The following KIF26A variants were observed in gnomAD, a reference collection of about 807,000 sequenced individuals.
The protein encoded by KIF26A is kinesin family member 26A, also known as kinesin-like protein KIF26A.
Under a neutral mutation model 126.0 loss-of-function variants are expected in KIF26A, and 74 were observed. The ratio of observed to expected loss-of-function variants is 0.59; its 90% CI spans 0.49 to 0.71. KIF26A has a LOEUF of 0.71. Ranked by LOEUF, KIF26A falls within the 30% of genes least tolerant of loss-of-function variation. The pLI, the probability that KIF26A is intolerant of heterozygous loss-of-function variation, is 0.00. For missense variants in KIF26A, 2,984 were observed against 2,763.3 expected (o/e 1.08, Z -1.79); for synonymous variants, 1,445 against 1,232.7 (o/e 1.17, Z -3.61).
Position 104,178,639 on chromosome 14 carries a change from C to T in KIF26A, c.5200C>T (p.Leu1734=), listed in dbSNP as rs2038063848. The stretch of plus-strand genomic sequence containing the variant: ...CAGCCTCCCCGGGCAGTGGGTGGAC[C>T]TGCCCCCGCCCCTGGCTGGCTCCCT... ...KPSLPGQWVD[L]PPPLAGSLKE... is the part of the protein sequence containing the mutation. The change falls in exon 13 of 15, where the codon CTG becomes TTG. Residue 1734 remains leucine, a synonymous_variant. Transcript: ENST00000423312. The T allele has an allele frequency of 6.4e-7, 1 of 1,550,980 alleles. No homozygotes were observed. The highest frequency in any genetic ancestry group is 1.4e-5 in the African/African-American group (1 of 73,122).
Position 104,174,141 on chromosome 14 carries a change from C to T in KIF26A, c.2031-7C>T. ...GGCCTTGGCATCTGAACCGCCTCGACCCGCAGGGACCACAGGCTCACCATG... is the reference window on the plus strand; with the variant it reads ...GGCCTTGGCATCTGAACCGCCTCGATCCGCAGGGACCACAGGCTCACCATG... On this transcript the variant is annotated splice_region_variant and splice_polypyrimidine_tract_variant and intron_variant, in intron 10 of 14. Transcript: ENST00000423312. The T allele has an allele frequency of 1.3e-6, 2 of 1,556,416 alleles. No homozygotes were observed. The highest frequency in any genetic ancestry group is 1.7e-6 in the Non-Finnish European group (2 of 1,147,912).
At chr14:104,156,808 G>T (rs150877087) in intron 3 of KIF26A, among the ~76,000 whole-genome samples, 1 of 152,182 alleles carries the variant, frequency 6.6e-6, no homozygotes, top group Non-Finnish European at 1.5e-5. Context: ...ACCAGCCCAC[G>T]TCCCCTCAGC....
At position 104,175,979 on chromosome 14, in the gene KIF26A, G is replaced by A. The variant is rs142763257; in HGVS notation, c.3191G>A (p.Arg1064Gln). Reference sequence around the variant, plus strand: ...AGCTTCGACAGTGACTGCTCCCTGCGGGCCCTGGCCTCGGGGTCCCGGCCA... The same window carrying A: ...AGCTTCGACAGTGACTGCTCCCTGCAGGCCCTGGCCTCGGGGTCCCGGCCA... ...LASFDSDCSLRALASGSRPVS... is the reference protein window; with the variant it reads ...LASFDSDCSLQALASGSRPVS... The change falls in exon 12 of 15, where the codon CGG (arginine) becomes CAG (glutamine). Residue 1064 changes from arginine to glutamine, a missense_variant. Physicochemically the swap from Arg to Gln is conservative, Grantham distance 43 (BLOSUM62 1). Transcript: ENST00000423312. 5.7e-6 allele frequency: 9 copies of A among 1,577,926 alleles called. No homozygotes were observed. The African/African-American group carries it at 6.7e-5, about 12-fold the overall frequency.
At position 104,176,886 on chromosome 14, in the gene KIF26A, G is replaced by A. The variant is rs1055703497; in HGVS notation, c.4098G>A (p.Thr1366=). The change falls in exon 12 of 15, where the codon ACG becomes ACA. Residue 1366 remains threonine, a synonymous_variant. Transcript: ENST00000423312. ...PSGAAPPAPP[T]RKSSLEQRSS... Reference sequence around the variant, plus strand: ...GGGCGGCCCCCCCGGCCCCACCCACGCGGAAGTCCAGCCTGGAGCAGAGGA... The same window carrying A: ...GGGCGGCCCCCCCGGCCCCACCCACACGGAAGTCCAGCCTGGAGCAGAGGA... The A allele has an allele frequency of 9.2e-6, 13 of 1,413,054 alleles. No individual in the cohort carries two copies. Among genetic ancestry groups the A allele is most frequent in the Admixed American group, 2.1e-5 (1 of 47,926 alleles). 87.5% of individuals were successfully genotyped at this position (1,413,054 alleles called of 1,614,324 possible). A position where few individuals can be genotyped will look rare whatever the true frequency, so the allele number is the denominator to read the frequency against.
chr14:104,179,589 C>T lies in KIF26A; in HGVS notation c.5468-20C>T, dbSNP rs770406857. The T allele has an allele frequency of 2.7e-6, 4 of 1,493,306 alleles. No individual in the cohort carries two copies. Among genetic ancestry groups the T allele is most frequent in the African/African-American group, 1.4e-5 (1 of 71,640 alleles). The allele number at this position is 1,493,306 out of a possible 1,614,324, so 92.5% of individuals were successfully genotyped here. ...CTCGGGCCTGACGCAGGTGCCCCTCCCCTCTCCTCCCCTCCCCAGTTGAGG... is the reference window on the plus strand; with the variant it reads ...CTCGGGCCTGACGCAGGTGCCCCTCTCCTCTCCTCCCCTCCCCAGTTGAGG... On this transcript the variant is annotated intron_variant, in intron 14 of 14. Coordinates refer to ENST00000423312, the MANE Select transcript of KIF26A (RefSeq NM_015656.2).
Position 104,157,766 on chromosome 14 carries a change from G to C in KIF26A, c.747G>C (p.Ala249=), listed in dbSNP as rs199841008. The C allele has an allele frequency of 2.5e-6, 4 of 1,610,762 alleles. No individual in the cohort carries two copies. Among genetic ancestry groups the C allele is most frequent in the African/African-American group, 1.3e-5 (1 of 74,994 alleles). Residue 249 remains alanine, a synonymous_variant, in exon 4 of 15, where the codon GCG becomes GCC. Transcript: ENST00000423312. ...CTCCTTCCCTCCAGGCCGAGGCAGC[G>C]GTGGCGGCCGTGGCGGTGGCAGACA... ...FLPPACLAEA[A]VAAVAVADTV... is the part of the protein sequence containing the mutation.
In KIF26A at chr14:104,175,188, G is replaced by T. The variant is rs749432777; in HGVS notation, c.2400G>T (p.Leu800=). 5.0e-6 allele frequency: 8 copies of T among 1,608,916 alleles called. No homozygotes were observed. The highest frequency in any genetic ancestry group is 6.8e-6 in the Non-Finnish European group (8 of 1,178,662). The change falls in exon 12 of 15, where the codon CTG becomes CTT. Residue 800 remains leucine (L), a synonymous_variant. Transcript: ENST00000423312. ...ACGTGGGGCCCGGTGGGGCGGCGCT[G>T]TCAGACCGGGAGCTCACCGACAACG... ...VIYVGPGGAA[L]SDRELTDNEG... is the part of the protein sequence containing the mutation.
At chr14:104,156,573 AGGGGCCTGGAAGCTGGTACCGGCC>A in intron 3 of KIF26A, among the ~76,000 whole-genome samples, 1 of 152,122 alleles carries the variant, frequency 6.6e-6, no homozygotes, top group South Asian at 2.1e-4. Flanking sequence ...AGGTCCCGGG[AGGGGCCTGGAAGCTGGTACCGGCC>A]ATGGGTTGGG....
At position 104,173,773 on chromosome 14, in the gene KIF26A, C is replaced by T. The variant is rs202131949; in HGVS notation, c.1935C>T (p.Ala645=). The change falls in exon 10 of 15, where the codon GCC becomes GCT. Residue 645 remains alanine, a synonymous_variant. Transcript: ENST00000423312. ...GCTGTGAGGCGGCGGCTGGCAGGGC[C>T]GGGGAGGCTGCTGGGGGTCCCCTGT... is the stretch of plus-strand genomic sequence containing the variant. ...LGSCEAAAGR[A]GEAAGGPLCL... 28 of 1,608,532 alleles carry T rather than the reference C, an allele frequency of 1.7e-5. No individual in the cohort carries two copies. Among genetic ancestry groups the T allele is most frequent in the African/African-American group, 9.3e-5 (7 of 75,012 alleles).
In KIF26A at chr14:104,173,825, G is replaced by A. The variant is rs751047912; in HGVS notation, c.1987G>A (p.Val663Ile). The change falls in exon 10 of 15, where the codon GTC becomes ATC. Residue 663 changes from valine (V) to isoleucine (I), a missense_variant. By Grantham distance (29) the Val-to-Ile change is conservative (BLOSUM62 3). Transcript: ENST00000423312. ...LCLSLSALGSVILALVNGAKH... is the reference protein window; with the variant it reads ...LCLSLSALGSIILALVNGAKH... ...TCTGTCCCTGTCGGCCCTGGGCAGCGTCATCTTGGCCCTGGTCAACGGAGC... is the reference window on the plus strand; with the variant it reads ...TCTGTCCCTGTCGGCCCTGGGCAGCATCATCTTGGCCCTGGTCAACGGAGC... 159 of 1,601,234 alleles carry A rather than the reference G, an allele frequency of 9.9e-5. No homozygotes were observed. Among genetic ancestry groups the A allele is most frequent in the Non-Finnish European group, 1.3e-4 (154 of 1,178,818 alleles).
chr14:104,176,118 C>G lies in KIF26A; in HGVS notation c.3330C>G (p.Ile1110Met), dbSNP rs1262289141. The G allele has an allele frequency of 6.3e-7, 1 of 1,582,418 alleles. No individual in the cohort carries two copies. Among genetic ancestry groups the G allele is most frequent in the Admixed American group, 1.8e-5 (1 of 55,940 alleles). The part of the protein sequence containing the change: ...AWAGSSHGSS[I>M]SSWLSEVSVC... ...CCGGCAGCAGTCACGGCTCCTCCAT[C>G]AGCTCCTGGCTCAGCGAGGTCAGCG... The change falls in exon 12 of 15, where the codon ATC becomes ATG. Residue 1110 changes from isoleucine to methionine, a missense_variant. By Grantham distance (10) the Ile-to-Met change is conservative. Transcript: ENST00000423312.
Position 104,179,722 on chromosome 14 carries a change from G to A in KIF26A, c.5581G>A (p.Val1861Ile). 6.4e-7 allele frequency: 1 copy of A among 1,552,880 alleles called. No homozygotes were observed. The highest frequency in any genetic ancestry group is 8.7e-7 in the Non-Finnish European group (1 of 1,148,674). Residue 1861 changes from valine (V) to isoleucine (I), a missense_variant, in exon 15 of 15, where the codon GTC (valine) becomes ATC (isoleucine). By Grantham distance (29) the Val-to-Ile change is conservative. Coordinates refer to ENST00000423312, the MANE Select transcript of KIF26A (RefSeq NM_015656.2). ...VNLCKAHVMM[V>I]TCFDISVAAS... ...CCTGTGCAAGGCGCACGTCATGATG[G>A]TCACCTGCTTCGACATCAGCGTTGC... is the stretch of plus-strand genomic sequence containing the variant.
chr14:104,173,250 C>T lies in KIF26A; in HGVS notation c.1683+11C>T, dbSNP rs940897243. The T allele has an allele frequency of 1.9e-6, 3 of 1,604,300 alleles. 1 individual carries two copies. In the African/African-American group the frequency reaches 4.0e-5, roughly 21 times the overall value. ...GTGTGTGGGGCGCAGGTGCGCCTGC[C>T]TACTGTCCCACCTTGGGGGAGGGGG... On this transcript the variant is annotated intron_variant, in intron 8 of 14. Coordinates refer to ENST00000423312, the MANE Select transcript of KIF26A (RefSeq NM_015656.2).
rs979094042 is a variant in KIF26A at position 104,172,034 on chromosome 14, C to T, written c.1326+99C>T. Reference sequence around the variant, plus strand: ...TGCGCCCGCTTCTCCGTGCAGGGCGCAGAGGAAGCGTGAGCGAGGGGCCCG... The same window carrying T: ...TGCGCCCGCTTCTCCGTGCAGGGCGTAGAGGAAGCGTGAGCGAGGGGCCCG... On this transcript the variant is annotated intron_variant, in intron 6 of 14. Transcript: ENST00000423312. The T allele has an allele frequency of 4.2e-6, 5 of 1,190,618 alleles. No individual in the cohort carries two copies. The Admixed American group carries it at 9.5e-5, about 23-fold the overall frequency. The allele number at this position is 1,190,618 out of a possible 1,614,324, so 73.8% of individuals were successfully genotyped here.
rs76304797 is a variant in KIF26A at position 104,166,890 on chromosome 14, A to C, written c.955A>C (p.Arg319=). The change falls in exon 5 of 15, where the codon AGG becomes CGG. Residue 319 remains arginine (R), a synonymous_variant. Transcript: ENST00000423312. ...AMQKLSLASK[R]KKPHPPPPPA... The stretch of plus-strand genomic sequence containing the variant: ...GCAGAAGCTCAGCCTGGCCTCCAAG[A>C]GGAAGAAGCCCCACCCGCCACCGCC... 90,561 of 1,584,754 alleles carry C rather than the reference A, an allele frequency of 0.057. 2,879 individuals carry two copies. Among genetic ancestry groups the C allele is most frequent in the Non-Finnish European group, 0.065 (75,943 of 1,166,624 alleles).
rs368723517 is a variant in KIF26A, at chr14:104,177,814, G to A, written c.5026G>A (p.Ala1676Thr). 43 of 1,567,180 alleles carry A rather than the reference G, an allele frequency of 2.7e-5. No individual in the cohort carries two copies. The East Asian group carries it at 3.5e-4, about 13-fold the overall frequency. ...CGAGGCCACCGGCAGCGCCTCCTCC[G>A]CCCCTGACTCCATGAGCGAGAGTGG... The part of the protein sequence containing the change: ...DSEATGSASS[A>T]PDSMSESGAA... The change falls in exon 12 of 15, where the codon GCC (alanine) becomes ACC (threonine). Residue 1676 changes from alanine (A) to threonine (T), a missense_variant. Physicochemically the swap from Ala to Thr is moderately conservative, Grantham distance 58 (BLOSUM62 0). Coordinates refer to ENST00000423312, the MANE Select transcript of KIF26A (RefSeq NM_015656.2).
intron 5 of KIF26A, 31 bp downstream of exon 5, chr14:104,167,079 G>C (rs1356334364): frequency 1.3e-6 from 2 of 1,489,524 alleles, no homozygotes; most frequent in Non-Finnish European, 1.8e-6. Flanking sequence ...GGGGCCCTGG[G>C]TGGGGAGGCC....
intron 2 of KIF26A, among the ~76,000 whole-genome samples, chr14:104,147,784 A>T (rs1448364842): frequency 6.6e-6 from 1 of 152,196 alleles, no homozygotes; most frequent in Non-Finnish European, 1.5e-5. Flanking sequence ...GGAGGGCAAG[A>T]TCTGGAGGTC....
Position 104,175,924 on chromosome 14 carries a change from G to T in KIF26A, c.3136G>T (p.Ala1046Ser). ...GGAGGAGCTGTCCCTGGGGGCGCTT[G>T]CCGGAGCTGGGCGGCCCACCAGCCT... ...VVEELSLGALAGAGRPTSLAS... is the reference protein window; with the variant it reads ...VVEELSLGALSGAGRPTSLAS... The change falls in exon 12 of 15, where the codon GCC becomes TCC. Residue 1046 changes from alanine (A) to serine (S), a missense_variant. Physicochemically the swap from Ala to Ser is moderately conservative, Grantham distance 99 (BLOSUM62 1). Coordinates refer to ENST00000423312, the MANE Select transcript of KIF26A (RefSeq NM_015656.2). The T allele has an allele frequency of 6.4e-7, 1 of 1,551,326 alleles. No individual in the cohort carries two copies. Among genetic ancestry groups the T allele is most frequent in the East Asian group, 2.4e-5 (1 of 41,930 alleles).
Sources: gnomAD v4.1 joint callset for allele counts (sites outside exome capture counted in the v4.1 genomes callset) on GRCh38, gnomAD v4.1.1 for gene constraint, MANE v1.5 for transcripts, NCBI Gene and HGNC (gene_info 2026-07-23, HGNC 2026-07-21) for gene names.